The following NXPE3 variants were observed in gnomAD, a reference collection of about 807,000 sequenced individuals.
NXPE3 encodes NXPE family member 3.
NXPE3 carries 26 observed loss-of-function variants against 46.1 expected under a neutral mutation model. The observed-to-expected ratio is 0.56, with a 90% confidence interval of 0.41 to 0.78. NXPE3 has a LOEUF of 0.78. Ranked by LOEUF, NXPE3 falls within the 30% of genes least tolerant of loss-of-function variation. The probability of loss-of-function intolerance (pLI) is 0.00; values close to 1 mark genes in which losing one functional copy is unlikely to be tolerated. For missense variants in NXPE3, 620 were observed against 686.0 expected (o/e 0.90, Z 1.07); for synonymous variants, 272 against 257.9 (o/e 1.05, Z -0.52).
At chr3:101,814,133 A>G (rs1941857929) in intron 6 of NXPE3, among the ~76,000 whole-genome samples, 1 of 152,264 alleles carries the variant, frequency 6.6e-6, no homozygotes, top group African/African-American at 2.4e-5. Flanking sequence ...AACCGAGTCT[A>G]CCGAATTAAC....
Position 101,801,788 on chromosome 3 carries a change from C to A in NXPE3, c.647C>A (p.Ser216Ter), listed in dbSNP as rs1477029472. Reference sequence around the variant, plus strand: ...GTCTATTTCAAGAGTCTCTTCCGTTCAGGAAGAATTTCTGAAACTACTGAG... The same window carrying A: ...GTCTATTTCAAGAGTCTCTTCCGTTAAGGAAGAATTTCTGAAACTACTGAG... ...DRVYFKSLFR[S>*]GRISETTECN... The change falls in exon 5 of 8, where the codon TCA (serine) becomes TAA (stop). Residue 216 changes from serine (S) to a stop codon, truncating the protein, a stop_gained. Transcript: ENST00000273347. LOFTEE classifies it high-confidence loss of function. 1 of 1,614,162 alleles carries A rather than the reference C, an allele frequency of 6.2e-7. No individual in the cohort carries two copies. Among genetic ancestry groups the A allele is most frequent in the Admixed American group, 1.7e-5 (1 of 60,022 alleles).
intron 4 of NXPE3, among the ~76,000 whole-genome samples, chr3:101,800,488 T>G (rs1172746323): frequency 6.6e-6 from 1 of 152,212 alleles, no homozygotes; most frequent in African/African-American, 2.4e-5. Context: ...GTGAGCTTGA[T>G]ATGAAGTAGT....
At chr3:101,786,781 A>C (rs1304860505) in intron 4 of NXPE3, among the ~76,000 whole-genome samples, 1 of 152,148 alleles carries the variant, frequency 6.6e-6, no homozygotes, top group African/African-American at 2.4e-5. Flanking sequence ...TTTTGTGGTA[A>C]ATAACTAACA....
At chr3:101,812,989 A>C (rs942360166) in intron 6 of NXPE3, among the ~76,000 whole-genome samples, 2 of 152,122 alleles carry the variant, frequency 1.3e-5, no homozygotes, top group African/African-American at 4.8e-5. Context: ...TTAAATTTCC[A>C]AGGTTTCATA....
Position 101,801,824 on chromosome 3 carries a change from G to A in NXPE3, c.683G>A (p.Cys228Tyr). 1.9e-6 allele frequency: 3 copies of A among 1,614,182 alleles called. No homozygotes were observed. Among genetic ancestry groups the A allele is most frequent in the Non-Finnish European group, 8.5e-7 (1 of 1,180,026 alleles). ...TCTGAAACTACTGAGTGCAACGTGT[G>A]TCTTCCTGGGAATCTGCCCCTGTGT... is the stretch of plus-strand genomic sequence containing the variant. ...RISETTECNV[C>Y]LPGNLPLCNF... Residue 228 changes from cysteine (C) to tyrosine (Y), a missense_variant, in exon 5 of 8, where the codon TGT becomes TAT. By Grantham distance (194) the Cys-to-Tyr change is radical. This residue lies in a region of NXPE3 where 511 missense variants were observed against 528.6 expected (regional missense o/e 0.97). Coordinates refer to ENST00000273347, the MANE Select transcript of NXPE3 (RefSeq NM_145037.4).
intron 5 of NXPE3, among the ~76,000 whole-genome samples, chr3:101,803,516 G>T (rs1162222988): frequency 6.6e-6 from 1 of 152,184 alleles, no homozygotes; most frequent in African/African-American, 2.4e-5. Flanking sequence ...CGTGGGTTCA[G>T]GTTTCAGACA....
At chr3:101,787,667 A>G (rs956570332) in intron 4 of NXPE3, among the ~76,000 whole-genome samples, 2 of 152,242 alleles carry the variant, frequency 1.3e-5, no homozygotes, top group Non-Finnish European at 2.9e-5. Flanking sequence ...AGGTTCACTC[A>G]TGTAGCATGT....
Position 101,785,492 on chromosome 3 carries a change from AT to A in NXPE3, c.-104del. The A allele has an allele frequency of 2.1e-6, 2 of 967,972 alleles. No individual in the cohort carries two copies. Among genetic ancestry groups the A allele is most frequent in the Non-Finnish European group, 3.3e-6 (2 of 599,432 alleles). The allele number at this position is 967,972 out of a possible 1,614,324, so 60.0% of individuals were successfully genotyped here. ...AAGGGTACTAGCAGGATAGAAGCAAATGAAACTGAAAGCTCATCTGCAGCTC... is the reference window on the plus strand; with the variant it reads ...AAGGGTACTAGCAGGATAGAAGCAAAGAAACTGAAAGCTCATCTGCAGCTC... On this transcript the variant is annotated 5_prime_UTR_variant, in exon 4 of 8. The change abolishes an upstream ATG in the 5' untranslated region. Coordinates refer to ENST00000273347, the MANE Select transcript of NXPE3 (RefSeq NM_145037.4).
chr3:101,780,643 T>A (rs181985784), intron 1 of NXPE3, among the ~76,000 whole-genome samples: 2 of 152,340 alleles, frequency 1.3e-5, no homozygotes, highest in Admixed American at 1.3e-4. Context: ...GTTGTTTGTA[T>A]TTTAAAAAGC....
chr3:101,801,340 C>T lies in NXPE3; in HGVS notation c.199C>T (p.Gln67Ter), dbSNP rs1436798372. 1 of 1,614,210 alleles carries T rather than the reference C, an allele frequency of 6.2e-7. No individual in the cohort carries two copies. Among genetic ancestry groups the T allele is most frequent in the Non-Finnish European group, 8.5e-7 (1 of 1,180,048 alleles). The change falls in exon 5 of 8, where the codon CAG becomes TAG. Residue 67 changes from glutamine to a stop codon, truncating the protein, a stop_gained. Transcript: ENST00000273347. LOFTEE classifies it high-confidence loss of function. ...CCGAAATCCCTACTGTGGCTATGATCAGCAGACCCTGTCCAGCCAGGAGCG... is the reference window on the plus strand; with the variant it reads ...CCGAAATCCCTACTGTGGCTATGATTAGCAGACCCTGTCCAGCCAGGAGCG... Reference protein sequence around the residue: ...ISRNPYCGYDQQTLSSQERME... With the variant: ...ISRNPYCGYD
rs1356243760 is a variant in NXPE3 at position 101,824,324 on chromosome 3, T to C, written c.*2370T>C. ...TAATTCTGTTCATGATCCAATAGTATTGGTGATATTAGCTCCATTTTATAG... is the reference window on the plus strand; with the variant it reads ...TAATTCTGTTCATGATCCAATAGTACTGGTGATATTAGCTCCATTTTATAG... On this transcript the variant is annotated 3_prime_UTR_variant, in exon 8 of 8. Coordinates refer to ENST00000273347, the MANE Select transcript of NXPE3 (RefSeq NM_145037.4). 1 of 152,230 alleles carries C rather than the reference T, an allele frequency of 6.6e-6. No individual in the cohort carries two copies. The highest frequency in any genetic ancestry group is 1.5e-5 in the Non-Finnish European group (1 of 68,056). The allele number at this position is 152,230 out of a possible 1,614,324, so 9.4% of individuals were successfully genotyped here.
At chr3:101,816,061 G>A (rs1170000478) in intron 6 of NXPE3, among the ~76,000 whole-genome samples, 2 of 152,024 alleles carry the variant, frequency 1.3e-5, no homozygotes, top group East Asian at 3.9e-4. Context: ...TTACTTGGGA[G>A]GCTGAGGCAG....
Position 101,801,426 on chromosome 3 carries a change from C to CCCCTTTGTGAAGAGCACTGACCCTTCTT in NXPE3, c.288_315dup (p.Ser106LeufsTer6). ...GGCAGGTTCCTGATGTGGGCCCAGT[C>CCCCTTTGTGAAGAGCACTGACCCTTCTT]CCCTTTGTGAAGAGCACTGACCCTT... On this transcript the variant is annotated frameshift_variant, in exon 5 of 8. Transcript: ENST00000273347. LOFTEE classifies it high-confidence loss of function. 6.2e-7 allele frequency: 1 copy of CCCCTTTGTGAAGAGCACTGACCCTTCTT among 1,614,156 alleles called. No homozygotes were observed. The highest frequency in any genetic ancestry group is 8.5e-7 in the Non-Finnish European group (1 of 1,180,012).
chr3:101,800,416 T>A (rs1426243577), intron 4 of NXPE3, among the ~76,000 whole-genome samples: 2 of 152,212 alleles, frequency 1.3e-5, no homozygotes, highest in Admixed American at 6.5e-5. Flanking sequence ...ATTTTTATTT[T>A]AAAAAATTTT....
At chr3:101,816,485 T>C (rs1172359416) in intron 6 of NXPE3, among the ~76,000 whole-genome samples, 1 of 152,074 alleles carries the variant, frequency 6.6e-6, no homozygotes, top group African/African-American at 2.4e-5. Context: ...TGTGTTCTCA[T>C]TGTTCAACTC....
intron 7 of NXPE3, among the ~76,000 whole-genome samples, chr3:101,818,330 T>C (rs1475648955): frequency 6.6e-6 from 1 of 152,126 alleles, no homozygotes; most frequent in Non-Finnish European, 1.5e-5. Flanking sequence ...ATTTGTACAT[T>C]AGGAGAAGGG....
intron 6 of NXPE3, among the ~76,000 whole-genome samples, chr3:101,811,838 A>G (rs1292079511): frequency 6.6e-6 from 1 of 151,016 alleles, no homozygotes; most frequent in African/African-American, 2.4e-5. Flanking sequence ...GGTTCAAGCA[A>G]TTCTTCTGCC....
intron 4 of NXPE3, among the ~76,000 whole-genome samples, chr3:101,794,862 T>C (rs1034456206): frequency 6.6e-6 from 1 of 152,232 alleles, no homozygotes; most frequent in African/African-American, 2.4e-5. Context: ...CTAAAGGCTC[T>C]AATTATTTGA....
At chr3:101,806,153 G>C (rs1941407364) in intron 5 of NXPE3, among the ~76,000 whole-genome samples, 1 of 152,116 alleles carries the variant, frequency 6.6e-6, no homozygotes, top group South Asian at 2.1e-4. Flanking sequence ...ACAGTACCTG[G>C]CTTAAGAAGC....
Sources: gnomAD v4.1 joint callset for allele counts (sites outside exome capture counted in the v4.1 genomes callset) on GRCh38, gnomAD v4.1.1 for gene constraint, gnomAD v4.1.1 regional missense constraint, MANE v1.5 for transcripts, NCBI Gene and HGNC (gene_info 2026-07-23, HGNC 2026-07-21) for gene names.